The following ABCC1 variants were observed in gnomAD, a reference collection of about 807,000 sequenced individuals.
ABCC1 encodes ATP binding cassette subfamily C member 1 (ABCC1 blood group), also known as multidrug resistance-associated protein 1.
Under a neutral mutation model 172.9 loss-of-function variants are expected in ABCC1, and 83 were observed. That is an observed-to-expected ratio of 0.48 (90% CI 0.40 to 0.58). ABCC1 has a LOEUF of 0.58. Ranked by LOEUF, ABCC1 falls within the 20% of genes least tolerant of loss-of-function variation. The pLI is 0.00. For missense variants in ABCC1, 1,817 were observed against 2,002.7 expected, an observed-to-expected ratio of 0.91 and a Z score of 1.77; for synonymous variants, 937 against 825.2, an observed-to-expected ratio of 1.14 and a Z score of -2.32.
rs375025824 is a variant in ABCC1, at chr16:16,110,116, T to G, written c.2872-1259T>G. Among the ~76,000 whole-genome samples the G allele has an allele frequency of 3.8e-3, 577 of 150,764 alleles. 6 individuals carry two copies. The highest frequency in any genetic ancestry group is 0.013 in the African/African-American group (543 of 41,180). On this transcript the variant is annotated intron_variant, in intron 21 of 30. Transcript: ENST00000399410. ...CTGGTTTAACTCCTTTTTTTTTTTT[T>G]CCCCCTGGAGGCAATGTCTCCCTCT... is the stretch of plus-strand genomic sequence containing the variant.
intron 1 of ABCC1, among the ~76,000 whole-genome samples, chr16:15,989,123 G>A (rs2046805068): frequency 6.6e-6 from 1 of 150,812 alleles, no homozygotes; most frequent in Non-Finnish European, 1.5e-5. Context: ...GTTCAGTTCT[G>A]TGTCTTGGAC....
At chr16:16,129,350 A>G (rs970264391) in intron 26 of ABCC1, among the ~76,000 whole-genome samples, 2 of 151,924 alleles carry the variant, frequency 1.3e-5, no homozygotes, top group Admixed American at 1.3e-4. Context: ...AGCGCTCAAT[A>G]ATAACATTTA....
chr16:15,949,939 C>T (rs936482010), intron 1 of ABCC1, 140 bp downstream of exon 1: 10 of 667,222 alleles, frequency 1.5e-5, no homozygotes, highest in African/African-American at 3.9e-5. Context: ...TCACGTCGCC[C>T]GCGGCCCAGC....
chr16:15,969,525 A>G (rs974802947), intron 1 of ABCC1, among the ~76,000 whole-genome samples: 41 of 151,746 alleles, frequency 2.7e-4, no homozygotes, highest in Non-Finnish European at 8.8e-5. Flanking sequence ...GGCATGTGCC[A>G]CCACGCCCGG....
intron 19 of ABCC1, 39 bp from the exon 20 acceptor site, chr16:16,102,588 A>G: frequency 7.8e-6 from 12 of 1,548,048 alleles, no homozygotes; most frequent in Non-Finnish European, 1.0e-5. Flanking sequence ...CATCTGCCTC[A>G]TATAACCCCA....
At chr16:16,047,720 C>T (rs1307153932) in intron 9 of ABCC1, among the ~76,000 whole-genome samples, 2 of 151,946 alleles carry the variant, frequency 1.3e-5, no homozygotes, top group Non-Finnish European at 1.5e-5. Flanking sequence ...ACCCTCAGTC[C>T]TTCAGTGGGA....
In ABCC1 at chr16:16,088,801, G is replaced by A. The variant is rs189258848; in HGVS notation, c.2461-1604G>A. On this transcript the variant is annotated intron_variant, in intron 18 of 30. Transcript: ENST00000399410. ...ATGGCATGGTAGCCTCCAGCTCCTC[G>A]GCTGAATCAATCCTCCTGCCTTCTG... Among the ~76,000 whole-genome samples, 180 of 151,952 alleles carry A rather than the reference G, an allele frequency of 1.2e-3. 2 individuals carry two copies. Among genetic ancestry groups the A allele is most frequent in the Admixed American group, 0.01 (156 of 15,250 alleles).
At chr16:16,041,472 A>G (rs1370550380) in intron 7 of ABCC1, among the ~76,000 whole-genome samples, 1 of 152,128 alleles carries the variant, frequency 6.6e-6, no homozygotes, top group East Asian at 1.9e-4. Context: ...AGAGATCCTC[A>G]GCGTGGAGCC....
intron 1 of ABCC1, among the ~76,000 whole-genome samples, chr16:15,973,697 T>C (rs2046420310): frequency 6.6e-6 from 1 of 152,058 alleles, no homozygotes; most frequent in Non-Finnish European, 1.5e-5. Flanking sequence ...TCATGTGAGC[T>C]GGGCGTGGTG....
chr16:16,114,231 G>A (rs1448090069), intron 22 of ABCC1, among the ~76,000 whole-genome samples: 1 of 152,174 alleles, frequency 6.6e-6, no homozygotes, highest in Admixed American at 6.5e-5. Context: ...AGTAATAGAA[G>A]TTATTCAGAG....
chr16:16,040,510 C>T (rs988327007), intron 7 of ABCC1, among the ~76,000 whole-genome samples: 6 of 152,116 alleles, frequency 3.9e-5, no homozygotes, highest in African/African-American at 7.2e-5. Context: ...TAGTGTCAAA[C>T]TCCTGACATC....
chr16:16,037,689 C>T (rs1264805345), intron 7 of ABCC1, among the ~76,000 whole-genome samples: 1 of 152,074 alleles, frequency 6.6e-6, no homozygotes, highest in Non-Finnish European at 1.5e-5. Flanking sequence ...ATTGGATTCC[C>T]CACAGACCCA....
At chr16:16,068,465 A>G (rs1232587145) in intron 13 of ABCC1, among the ~76,000 whole-genome samples, 163 bp downstream of exon 13, 1 of 152,202 alleles carries the variant, frequency 6.6e-6, no homozygotes, top group East Asian at 1.9e-4. Flanking sequence ...TGCCTGAAAG[A>G]AAGAAAACAC....
intron 1 of ABCC1, among the ~76,000 whole-genome samples, chr16:15,972,787 CTTTT>C (rs35086205): frequency 3.0e-4 from 27 of 89,324 alleles, no homozygotes; most frequent in African/African-American, 8.6e-4. Context: ...TATTTTTTAA[CTTTT>C]TTTTTTTTTT....
Position 16,102,686 on chromosome 16 carries a change from G to A in ABCC1, c.2704G>A (p.Val902Met). ...AAAGCAAATGGAGAATGGCATGCTGGTGACGGACAGTGCAGGGAAGCAACT... is the reference window on the plus strand; with the variant it reads ...AAAGCAAATGGAGAATGGCATGCTGATGACGGACAGTGCAGGGAAGCAACT... The part of the protein sequence containing the change: ...EAKQMENGML[V>M]TDSAGKQLQR... The change falls in exon 20 of 31, where the codon GTG becomes ATG. Residue 902 changes from valine to methionine, a missense_variant. Val to Met is a conservative substitution (Grantham distance 21, BLOSUM62 1). Coordinates refer to ENST00000399410, the MANE Select transcript of ABCC1 (RefSeq NM_004996.4). The A allele has an allele frequency of 1.9e-6, 3 of 1,588,448 alleles. No homozygotes were observed. The highest frequency in any genetic ancestry group is 2.6e-6 in the Non-Finnish European group (3 of 1,167,194).
intron 23 of ABCC1, 82 bp downstream of exon 23, chr16:16,115,158 A>G (rs2044802912): frequency 1.4e-6 from 2 of 1,429,100 alleles, no homozygotes; most frequent in African/African-American, 2.8e-5. Context: ...GTTTTATCTT[A>G]CCATGTCCCC....
chr16:15,950,051 G>T (rs372711690), intron 1 of ABCC1, among the ~76,000 whole-genome samples: 1 of 152,122 alleles, frequency 6.6e-6, no homozygotes, highest in Non-Finnish European at 1.5e-5. Flanking sequence ...TTGGAGGGTC[G>T]GGTCGGGTCA....
chr16:16,091,037 G>A lies in ABCC1; in HGVS notation c.2644+449G>A, dbSNP rs202041337. 2.2e-4 allele frequency among the ~76,000 whole-genome samples: 33 copies of A among 152,230 alleles called. No individual in the cohort carries two copies. In the East Asian group the frequency reaches 5.4e-3, roughly 25 times the overall value. On this transcript the variant is annotated intron_variant, in intron 19 of 30. Coordinates refer to ENST00000399410, the MANE Select transcript of ABCC1 (RefSeq NM_004996.4). ...AAGCTGGCAGGCTCGGGTTGGTGAC[G>A]TCTGGGTTCAATCCCCGGCCGCTCA...
intron 18 of ABCC1, among the ~76,000 whole-genome samples, chr16:16,087,488 G>A (rs527541911): frequency 5.9e-5 from 9 of 151,856 alleles, no homozygotes; most frequent in East Asian, 3.9e-4. Flanking sequence ...GTGGAGTTTC[G>A]CTACTGTTGC....
Sources: allele counts gnomAD v4.1 joint callset (sites outside exome capture counted in the v4.1 genomes callset), GRCh38; gene constraint gnomAD v4.1.1; transcripts MANE v1.5; gene names NCBI Gene and HGNC (gene_info 2026-07-23, HGNC 2026-07-21).